The following SYNE2 variants were observed in gnomAD, a reference collection of about 807,000 sequenced individuals.
SYNE2 encodes the protein spectrin repeat containing nuclear envelope protein 2, also known as nesprin-2.
In SYNE2, 431 loss-of-function variants were observed where a neutral mutation model predicts 856.3. The ratio of observed to expected loss-of-function variants is 0.50; its 90% CI spans 0.47 to 0.55. The LOEUF is 0.55. Ranked by LOEUF, SYNE2 falls within the 20% of genes least tolerant of loss-of-function variation. The pLI is 0.00. For missense variants in SYNE2, 8,129 were observed against 8,023.2 expected (o/e 1.01, Z -0.50); for synonymous variants, 2,923 against 2,872.3 (o/e 1.02, Z -0.56).
intron 89 of SYNE2, 119 bp from the exon 90 acceptor site, chr14:64,165,166 C>T (rs2098366339): frequency 9.7e-7 from 1 of 1,033,832 alleles, no homozygotes; most frequent in Admixed American, 1.8e-5. Flanking sequence ...GGATTACAGC[C>T]ATGAGCCACC....
intron 73 of SYNE2, among the ~76,000 whole-genome samples, chr14:64,127,945 G>GA (rs2097965662): frequency 6.6e-6 from 1 of 152,138 alleles, no homozygotes; most frequent in South Asian, 2.1e-4. Context: ...AGTGGTCAGG[G>GA]ATTCTGCAGG....
At position 64,219,307 on chromosome 14, in the gene SYNE2, T is replaced by C. The variant is rs192094842; in HGVS notation, c.19757T>C (p.Ile6586Thr). The change falls in exon 110 of 116, where the codon ATC becomes ACC. Residue 6586 changes from isoleucine (I) to threonine (T), a missense_variant. Physicochemically the swap from Ile to Thr is moderately conservative, Grantham distance 89. This residue lies in a region of SYNE2 where 5,410 missense variants were observed against 5,284.8 expected (regional missense o/e 1.02). Transcript: ENST00000555002. ...LQQLNSDISA[I>T]TTWLKKTEAE... ...CAGCTGAACTCTGATATCAGCGCCA[T>C]CACTACTTGGCTGAAAAAAACTGAA... 4 of 1,613,874 alleles carry C rather than the reference T, an allele frequency of 2.5e-6. No individual in the cohort carries two copies. The East Asian group carries it at 8.9e-5, about 36-fold the overall frequency.
At chr14:63,916,659 G>A (rs2095536824) in intron 2 of SYNE2, among the ~76,000 whole-genome samples, 1 of 152,226 alleles carries the variant, frequency 6.6e-6, no homozygotes, top group Non-Finnish European at 1.5e-5. Flanking sequence ...GCTTCAGGCA[G>A]TGAAGTGTGT....
At position 64,152,640 on chromosome 14, in the gene SYNE2, G is replaced by T; in HGVS notation, c.15716G>T (p.Gly5239Val). Reference sequence around the variant, plus strand: ...CAAAGTTATCTGACTTTGGAGAGTGGGGCAGTGCCATTGTTAGAAGATACA... The same window carrying T: ...CAAAGTTATCTGACTTTGGAGAGTGTGGCAGTGCCATTGTTAGAAGATACA... ...LKQSYLTLES[G>V]AVPLLEDTAS... The change falls in exon 85 of 116, where the codon GGG (glycine) becomes GTG (valine). Residue 5239 changes from glycine (G) to valine (V), a missense_variant. By Grantham distance (109) the Gly-to-Val change is moderately radical. Transcript: ENST00000555002. 1.2e-6 allele frequency: 2 copies of T among 1,614,072 alleles called. No homozygotes were observed. The highest frequency in any genetic ancestry group is 1.7e-6 in the Non-Finnish European group (2 of 1,179,998).
Position 63,967,832 on chromosome 14 carries a change from G to A in SYNE2, c.1114G>A (p.Gly372Ser). ...DHLQLREAWD[G>S]LDHQINAWKI... ...TTTACAGTTGAGAGAAGCCTGGGAT[G>A]GCCTCGATCACCAGGTGACTGTTTG... is the stretch of plus-strand genomic sequence containing the variant. The change falls in exon 11 of 116, where the codon GGC becomes AGC. Residue 372 changes from glycine (G) to serine (S), a missense_variant. Coordinates refer to ENST00000555002, the MANE Select transcript of SYNE2 (RefSeq NM_182914.3). 6.2e-7 allele frequency: 1 copy of A among 1,614,010 alleles called. No individual in the cohort carries two copies. The highest frequency in any genetic ancestry group is 1.1e-5 in the South Asian group (1 of 91,086).
chr14:64,171,445 C>T (rs935637859), intron 94 of SYNE2, among the ~76,000 whole-genome samples: 1 of 152,102 alleles, frequency 6.6e-6, no homozygotes, highest in African/African-American at 2.4e-5. Flanking sequence ...AATAAAATAT[C>T]AGATTGTAAT....
At position 64,212,812 on chromosome 14, in the gene SYNE2, G is replaced by T; in HGVS notation, c.18863G>T (p.Gly6288Val). ...CCTTTCTTTCTCCTCTCTCAACAGG[G>T]CTTCCAACAGGAAATTACATTAAAT... ...DADDKMRQLN[G>V]FQQEITLNTN... Residue 6288 changes from glycine (G) to valine (V), a missense_variant and splice_region_variant, in exon 105 of 116, where the codon GGC (glycine) becomes GTC (valine). Gly to Val is a moderately radical substitution (Grantham distance 109, BLOSUM62 -3). Around this residue, in one of 3 missense-constraint regions of SYNE2, gnomAD observed 5,410 missense variants for 5,284.8 expected, o/e 1.02. Coordinates refer to ENST00000555002, the MANE Select transcript of SYNE2 (RefSeq NM_182914.3). 1 of 1,614,154 alleles carries T rather than the reference G, an allele frequency of 6.2e-7. No homozygotes were observed. Among genetic ancestry groups the T allele is most frequent in the Non-Finnish European group, 8.5e-7 (1 of 1,179,972 alleles).
chr14:64,042,710 T>C (rs7155746), intron 45 of SYNE2, among the ~76,000 whole-genome samples: 2,173 of 152,298 alleles, frequency 0.014, 63 homozygotes, highest in African/African-American at 0.049. Context: ...CCTTACACCA[T>C]GATTGTGAGG....
chr14:64,032,538 G>A (rs1039449408), intron 45 of SYNE2, among the ~76,000 whole-genome samples: 1 of 150,850 alleles, frequency 6.6e-6, no homozygotes, highest in South Asian at 2.1e-4. Context: ...CTCCACCCTC[G>A]GCGACAGAGT....
At position 64,124,855 on chromosome 14, in the gene SYNE2, T is replaced by C. The variant is rs556169982; in HGVS notation, c.13423-224T>C. On this transcript the variant is annotated intron_variant, in intron 70 of 115. Transcript: ENST00000555002. ...CCGTCGCTACTAAAAATACAAAAAT[T>C]AGCCGGGCATGGTGGCAGGCACCTG... Among the ~76,000 whole-genome samples, 40 of 152,140 alleles carry C rather than the reference T, an allele frequency of 2.6e-4. No individual in the cohort carries two copies. In the South Asian group the frequency reaches 7.3e-3, roughly 28 times the overall value.
chr14:64,156,722 G>T (rs1803367224), intron 85 of SYNE2, among the ~76,000 whole-genome samples: 1 of 151,918 alleles, frequency 6.6e-6, no homozygotes, highest in Non-Finnish European at 1.5e-5. Flanking sequence ...GCCTCCCAAA[G>T]TGCTGGGATT....
At chr14:63,772,083 T>C (rs1304902956) in intron 1 of SYNE2, among the ~76,000 whole-genome samples, 2 of 152,198 alleles carry the variant, frequency 1.3e-5, no homozygotes, top group African/African-American at 4.8e-5. Context: ...CTGGGTGTGG[T>C]GGCTCATGCC....
intron 1 of SYNE2, among the ~76,000 whole-genome samples, chr14:63,904,452 G>A (rs943313199): frequency 8.6e-5 from 13 of 151,916 alleles, no homozygotes; most frequent in Admixed American, 7.9e-4. Flanking sequence ...GTTTATAAGC[G>A]CTCTTTTCTC....
At chr14:63,810,570 G>A (rs1036484870) in intron 1 of SYNE2, among the ~76,000 whole-genome samples, 1 of 152,106 alleles carries the variant, frequency 6.6e-6, no homozygotes, top group African/African-American at 2.4e-5. Context: ...AAACTGATGG[G>A]TTCATGAAAC....
At chr14:63,961,667 TC>T in intron 9 of SYNE2, 42 bp downstream of exon 9, 7 of 1,393,196 alleles carry the variant, frequency 5.0e-6, no homozygotes, top group Non-Finnish European at 7.1e-6. Flanking sequence ...TTTAGTTGTA[TC>T]CTGCTAATGG....
intron 2 of SYNE2, among the ~76,000 whole-genome samples, chr14:63,912,913 TTGTAA>T (rs894492753): frequency 1.3e-5 from 2 of 152,174 alleles, no homozygotes; most frequent in African/African-American, 4.8e-5. Flanking sequence ...GAAAATATCT[TTGTAA>T]AGCCAATTTG....
rs28445377 is a variant in SYNE2 at position 64,172,578 on chromosome 14, C to T, written c.17235+2116C>T. Among the ~76,000 whole-genome samples the T allele has an allele frequency of 7.6e-3, 1,157 of 152,166 alleles. 17 individuals carry two copies. The highest frequency in any genetic ancestry group is 0.026 in the African/African-American group (1,099 of 41,476). On this transcript the variant is annotated intron_variant, in intron 94 of 115. Coordinates refer to ENST00000555002, the MANE Select transcript of SYNE2 (RefSeq NM_182914.3). ...ACCCAACCTCAGAAGTCACATATAT[C>T]GCTTCTGCCACACTCTAACAATGAA...
chr14:63,881,204 C>G (rs959548266), intron 1 of SYNE2, among the ~76,000 whole-genome samples: 1 of 151,568 alleles, frequency 6.6e-6, no homozygotes, highest in Admixed American at 6.6e-5. Flanking sequence ...GTCCTGAACT[C>G]CTGGGCTCAA....
At chr14:64,092,802 C>G (rs1446967345) in intron 60 of SYNE2, among the ~76,000 whole-genome samples, 1 of 152,198 alleles carries the variant, frequency 6.6e-6, no homozygotes, top group Non-Finnish European at 1.5e-5. Context: ...TTAGACTGTT[C>G]TTGAACCCTC....
Sources: allele counts gnomAD v4.1 joint callset (sites outside exome capture counted in the v4.1 genomes callset), GRCh38; gene constraint gnomAD v4.1.1; regional missense constraint gnomAD v4.1.1; transcripts MANE v1.5; gene names NCBI Gene and HGNC (gene_info 2026-07-23, HGNC 2026-07-21).